Variants in ADCY8 observed in about 807,000 individuals in gnomAD.
The protein encoded by ADCY8 is adenylate cyclase 8.
A neutral mutation model predicts 119.7 loss-of-function variants in ADCY8; 51 were observed. The ratio of observed to expected loss-of-function variants is 0.43; its 90% CI spans 0.34 to 0.54. The LOEUF (loss-of-function observed/expected upper bound fraction) is 0.54. ADCY8 is among the 20% of genes least tolerant of loss of function. The pLI is 0.03. For missense variants in ADCY8, 1,383 were observed against 1,598.8 expected (o/e 0.87, Z 2.30); for synonymous variants, 665 against 651.0 (o/e 1.02, Z -0.33).
chr8:130,986,325 G>A (rs984280478), intron 2 of ADCY8, among the ~76,000 whole-genome samples: 1 of 152,130 alleles, frequency 6.6e-6, no homozygotes, highest in Non-Finnish European at 1.5e-5. Context: ...AGTGAAGCTA[G>A]GAGCCAAAGT....
chr8:130,915,764 C>T (rs1586567377), intron 5 of ADCY8, among the ~76,000 whole-genome samples: 1 of 152,186 alleles, frequency 6.6e-6, no homozygotes, highest in Non-Finnish European at 1.5e-5. Context: ...GATCACTTTA[C>T]CTACCCTTTT....
intron 15 of ADCY8, among the ~76,000 whole-genome samples, chr8:130,792,194 C>T (rs921418193): frequency 1.3e-5 from 2 of 152,164 alleles, no homozygotes; most frequent in African/African-American, 4.8e-5. Context: ...TACCTTTGTT[C>T]CTACTTAGCT....
chr8:131,019,829 C>CTCTG (rs1554626067), intron 1 of ADCY8, among the ~76,000 whole-genome samples: 5 of 119,218 alleles, frequency 4.2e-5, no homozygotes, highest in Non-Finnish European at 6.9e-5. Flanking sequence ...CTCTCTCTCT[C>CTCTG]TCTCTCTCTG....
intron 11 of ADCY8, among the ~76,000 whole-genome samples, chr8:130,843,508 T>TA (rs1196495530): frequency 1.3e-5 from 2 of 152,214 alleles, no homozygotes. Context: ...AGCCATAGTC[T>TA]AAAAATTCTC....
chr8:130,958,340 C>G (rs952995627), intron 2 of ADCY8, among the ~76,000 whole-genome samples: 3 of 152,152 alleles, frequency 2.0e-5, no homozygotes, highest in African/African-American at 7.2e-5. Context: ...ATGCATCCCA[C>G]TTTCTTGAGG....
At chr8:130,974,109 T>A (rs138946208) in intron 2 of ADCY8, among the ~76,000 whole-genome samples, 159 of 152,310 alleles carry the variant, frequency 1.0e-3, no homozygotes, top group East Asian at 4.4e-3. Flanking sequence ...TAGCAACCTA[T>A]CCAACAAAGC....
Position 130,782,636 on chromosome 8 carries a change from A to G in ADCY8, c.3268+1055T>C, listed in dbSNP as rs184662380. The stretch of plus-strand genomic sequence containing the variant: ...CAGTTCCCTTTTTATTCCTGGTTCA[A>G]TTGTGTAGTCAACAATTTCAGAAAT... On this transcript the variant is annotated intron_variant, in intron 17 of 17. Coordinates refer to ENST00000286355, the MANE Select transcript of ADCY8 (RefSeq NM_001115.3). 1.8e-3 allele frequency among the ~76,000 whole-genome samples: 273 copies of G among 152,334 alleles called. 1 individual carries two copies. The highest frequency in any genetic ancestry group is 2.1e-3 in the Non-Finnish European group (145 of 68,032).
At chr8:130,834,438 G>A (rs911023679) in intron 12 of ADCY8, among the ~76,000 whole-genome samples, 1 of 152,204 alleles carries the variant, frequency 6.6e-6, no homozygotes, top group African/African-American at 2.4e-5. Flanking sequence ...ACCACTGCTT[G>A]TAAGAGGAAA....
chr8:130,898,616 A>C (rs1363976234), intron 7 of ADCY8, among the ~76,000 whole-genome samples: 2 of 152,214 alleles, frequency 1.3e-5, no homozygotes, highest in African/African-American at 4.8e-5. Context: ...GGCTGTAATA[A>C]ATGTGAAAGG....
chr8:130,788,196 T>C (rs1372766386), intron 15 of ADCY8, among the ~76,000 whole-genome samples: 1 of 152,254 alleles, frequency 6.6e-6, no homozygotes, highest in East Asian at 1.9e-4. Context: ...CTTTGGCATA[T>C]TGATTTCATT....
intron 2 of ADCY8, among the ~76,000 whole-genome samples, chr8:130,984,105 G>C (rs150066188): frequency 2.7e-5 from 4 of 148,688 alleles, no homozygotes; most frequent in African/African-American, 7.9e-5. Flanking sequence ...GCATGGGTGG[G>C]CTCCCTGTGA....
intron 2 of ADCY8, among the ~76,000 whole-genome samples, chr8:130,987,230 C>A (rs1050525612): frequency 9.9e-5 from 15 of 152,120 alleles, no homozygotes; most frequent in Admixed American, 3.3e-4. Flanking sequence ...GAGCTGAATC[C>A]TATTCACATG....
intron 8 of ADCY8, among the ~76,000 whole-genome samples, chr8:130,873,171 G>A (rs1586513343): frequency 6.6e-6 from 1 of 152,168 alleles, no homozygotes; most frequent in South Asian, 2.1e-4. Flanking sequence ...CCTAGGTGAG[G>A]GGGAGGAAAA....
At chr8:130,819,037 A>G (rs1816429487) in intron 13 of ADCY8, among the ~76,000 whole-genome samples, 1 of 152,224 alleles carries the variant, frequency 6.6e-6, no homozygotes, top group South Asian at 2.1e-4. Flanking sequence ...CCACTGGGAT[A>G]AGTATATTAC....
chr8:130,915,838 G>A (rs777409445), intron 5 of ADCY8, among the ~76,000 whole-genome samples: 15 of 152,032 alleles, frequency 9.9e-5, no homozygotes, highest in Non-Finnish European at 1.6e-4. Flanking sequence ...ACCCATCAGC[G>A]GCACAGTTCT....
chr8:130,843,806 T>C (rs1817218128), intron 11 of ADCY8, among the ~76,000 whole-genome samples: 2 of 152,122 alleles, frequency 1.3e-5, no homozygotes, highest in Admixed American at 1.3e-4. Flanking sequence ...CGTCAATAAA[T>C]TTGACAGGAT....
At chr8:131,038,928 G>A (rs565818935) in intron 1 of ADCY8, among the ~76,000 whole-genome samples, 3 of 152,172 alleles carry the variant, frequency 2.0e-5, no homozygotes, top group Non-Finnish European at 4.4e-5. Flanking sequence ...TTGTGGCTTA[G>A]AGATACGGAA....
intron 9 of ADCY8, among the ~76,000 whole-genome samples, chr8:130,850,845 T>G (rs188950649): frequency 1.8e-4 from 27 of 152,320 alleles, no homozygotes; most frequent in Middle Eastern, 3.4e-3. Context: ...AACACTAGTA[T>G]AAATAATGTA....
intron 15 of ADCY8, among the ~76,000 whole-genome samples, chr8:130,785,815 G>A (rs986888411): frequency 1.3e-5 from 2 of 152,180 alleles, no homozygotes; most frequent in African/African-American, 4.8e-5. Context: ...TGACTTGCAA[G>A]GCTTGCCAAG....
Sources: gnomAD v4.1 joint callset for allele counts (sites outside exome capture counted in the v4.1 genomes callset) on GRCh38, gnomAD v4.1.1 for gene constraint, MANE v1.5 for transcripts, NCBI Gene and HGNC (gene_info 2026-07-23, HGNC 2026-07-21) for gene names.